The following TERT variants were observed in gnomAD, a reference collection of about 807,000 sequenced individuals.
TERT encodes the protein telomerase reverse transcriptase, also known as telomerase catalytic subunit.
In TERT, 42 loss-of-function variants were observed where a neutral mutation model predicts 104.0. The ratio of observed to expected loss-of-function variants is 0.40; its 90% CI spans 0.32 to 0.52. TERT has a LOEUF of 0.52. Ranked by LOEUF, TERT falls within the 20% of genes least tolerant of loss-of-function variation. The pLI, the probability that TERT is intolerant of heterozygous loss-of-function variation, is 0.43. For synonymous variants in TERT, 781 were observed against 725.6 expected, an observed-to-expected ratio of 1.08 and a Z score of -1.23; for missense variants, 1,101 against 1,610.3, an observed-to-expected ratio of 0.68 and a Z score of 5.41.
rs1244045620 is a variant in TERT at position 1,286,537 on chromosome 5, T to C, written c.1574-3913A>G. Among the ~76,000 whole-genome samples the C allele has an allele frequency of 1.3e-5, 2 of 151,850 alleles. No homozygotes were observed. Among genetic ancestry groups the C allele is most frequent in the Admixed American group, 1.3e-4 (2 of 15,226 alleles). On this transcript the variant is annotated intron_variant, in intron 2 of 15. Coordinates refer to ENST00000310581, the MANE Select transcript of TERT (RefSeq NM_198253.3). The surrounding 1 kb of genome is among the most constrained non-coding windows in gnomAD (Gnocchi z 5.3). Reference sequence around the variant, plus strand: ...GGCCAGAGCTAAAATACACTAAGGGTCTTATTGCTCAGGACAAGGGTAGCA... The same window carrying C: ...GGCCAGAGCTAAAATACACTAAGGGCCTTATTGCTCAGGACAAGGGTAGCA...
rs1040916510 is a variant in TERT, at chr5:1,254,566, C to T, written c.3158-61G>A. On this transcript the variant is annotated intron_variant, in intron 14 of 15. Transcript: ENST00000310581. Reference sequence around the variant, plus strand: ...AGCCCAGCTCCCCTCCCAGGAGACACCGGAAAGCTGCCCACACCCGACGGT... The same window carrying T: ...AGCCCAGCTCCCCTCCCAGGAGACATCGGAAAGCTGCCCACACCCGACGGT... The T allele has an allele frequency of 7.1e-6, 11 of 1,554,024 alleles. No homozygotes were observed. The East Asian group carries it at 9.6e-5, about 14-fold the overall frequency.
rs1176622215 is a variant in TERT, at chr5:1,292,504, C to T, written c.1573+809G>A. ...TCCCTCCCTCTACCCTGTCCTGGCA[C>T]AATCAACGAACACTTTTTTTTTTTA... On this transcript the variant is annotated intron_variant, in intron 2 of 15. Transcript: ENST00000310581. This position sits in a 1 kb window ranked among gnomAD's most constrained non-coding sequence, Gnocchi z 5.5. Among the ~76,000 whole-genome samples, 1 of 144,182 alleles carries T rather than the reference C, an allele frequency of 6.9e-6. No homozygotes were observed. The highest frequency in any genetic ancestry group is 1.5e-5 in the Non-Finnish European group (1 of 65,924). 94.6% of individuals were successfully genotyped at this position (144,182 alleles called of 152,430 possible).
chr5:1,291,086 G>A (rs936761137), intron 2 of TERT, among the ~76,000 whole-genome samples: 52 of 118,342 alleles, frequency 4.4e-4, no homozygotes, highest in African/African-American at 7.5e-4. Context: ...CACGTGACAG[G>A]GACACCTGGG....
chr5:1,275,574 G>A (rs546701915), intron 6 of TERT, among the ~76,000 whole-genome samples: 2 of 152,058 alleles, frequency 1.3e-5, no homozygotes, highest in East Asian at 3.9e-4. Context: ...GAGCCCAGGG[G>A]AGGCCTCCAC....
intron 11 of TERT, 100 bp downstream of exon 11, chr5:1,264,304 A>T (rs937003278): frequency 3.2e-5 from 42 of 1,313,272 alleles, no homozygotes; most frequent in Non-Finnish European, 2.9e-5. Flanking sequence ...TGGGATTGGC[A>T]GTCGCCTGCC....
At chr5:1,278,238 C>T (rs932868641) in intron 6 of TERT, among the ~76,000 whole-genome samples, 5 of 152,176 alleles carry the variant, frequency 3.3e-5, no homozygotes, top group Admixed American at 2.0e-4. Flanking sequence ...GACAATGGTG[C>T]GGACCATGCC....
At position 1,284,494 on chromosome 5, in the gene TERT, G is replaced by GC. The variant is rs111307446; in HGVS notation, c.1574-1871_1574-1870insG. 2.5e-4 allele frequency among the ~76,000 whole-genome samples: 11 copies of GC among 43,922 alleles called. No homozygotes were observed. The East Asian group carries it at 4.4e-3, about 18-fold the overall frequency. The allele number at this position is 43,922 out of a possible 152,430, so 28.8% of individuals were successfully genotyped here. ...CCGGACTCCATACATCCAGCTCACC[G>GC]AGGGCCTGGCGACCTCACTCCAGAC... On this transcript the variant is annotated intron_variant, in intron 2 of 15. Coordinates refer to ENST00000310581, the MANE Select transcript of TERT (RefSeq NM_198253.3).
At chr5:1,280,033 C>T (rs964292007) in intron 4 of TERT, 125 bp downstream of exon 4, 27 of 1,289,588 alleles carry the variant, frequency 2.1e-5, no homozygotes, top group South Asian at 1.9e-4. Context: ...AATGGGTTGG[C>T]GCCGTGCCAT....
Position 1,293,467 on chromosome 5 carries a change from C to A in TERT, c.1419G>T (p.Val473=). Residue 473 remains valine (V), a synonymous_variant, in exon 2 of 16, where the codon GTG becomes GTT. Transcript: ENST00000310581. ...GCCTGGAGCCCCAGAGGCCTGGGGG[C>A]ACCAGCCGGCGCAGGCAGGCCCGCA... ...GFVRACLRRL[V]PPGLWGSRHN... 6.2e-7 allele frequency: 1 copy of A among 1,607,114 alleles called. No individual in the cohort carries two copies. The highest frequency in any genetic ancestry group is 8.5e-7 in the Non-Finnish European group (1 of 1,177,576).
At chr5:1,276,274 A>C (rs1170672565) in intron 6 of TERT, among the ~76,000 whole-genome samples, 69 of 86,048 alleles carry the variant, frequency 8.0e-4, no homozygotes, top group Admixed American at 1.6e-3. Context: ...CTCCACCTAC[A>C]CCACACATGA....
At chr5:1,289,231 G>A (rs1396293737) in intron 2 of TERT, among the ~76,000 whole-genome samples, 4 of 140,708 alleles carry the variant, frequency 2.8e-5, no homozygotes, top group Non-Finnish European at 4.6e-5. Context: ...CACCCTACAC[G>A]TGACAGGGAC....
intron 7 of TERT, 92 bp from the exon 8 acceptor site, chr5:1,271,296 G>T (rs1042313257): frequency 2.0e-5 from 18 of 903,240 alleles, no homozygotes; most frequent in African/African-American, 3.3e-5. Flanking sequence ...CCCTTTTGGG[G>T]TCAGTGTTTG....
At chr5:1,289,422 C>T (rs1228220053) in intron 2 of TERT, among the ~76,000 whole-genome samples, 9 of 90,248 alleles carry the variant, frequency 1.0e-4, no homozygotes, top group Admixed American at 5.4e-4. Context: ...CCGGGGACGG[C>T]GCCTCACTCA....
intron 2 of TERT, among the ~76,000 whole-genome samples, chr5:1,291,992 C>T (rs1408065798): frequency 2.0e-5 from 3 of 152,252 alleles, no homozygotes; most frequent in Non-Finnish European, 4.4e-5. Context: ...TGGGTAGGGA[C>T]TTCCAGTCAC....
intron 12 of TERT, among the ~76,000 whole-genome samples, chr5:1,260,119 G>A (rs1748117337): frequency 1.3e-5 from 2 of 152,168 alleles, no homozygotes; most frequent in African/African-American, 4.8e-5. Context: ...ACCTAGCGGG[G>A]TGAACACGAG....
At chr5:1,260,395 C>G (rs35727757) in intron 12 of TERT, 79 bp downstream of exon 12, 1 of 1,594,398 alleles carries the variant, frequency 6.3e-7, no homozygotes, top group Non-Finnish European at 8.6e-7. Context: ...CTTGCAGGCA[C>G]GCGCGCACAC....
Position 1,282,518 on chromosome 5 carries a change from G to T in TERT, c.1680C>A (p.Phe560Leu), listed in dbSNP as rs1554041306. The change falls in exon 3 of 16, where the codon TTC becomes TTA. Residue 560 changes from phenylalanine (F) to leucine (L), a missense_variant. Around this residue, in one of 5 missense-constraint regions of TERT, gnomAD observed 504 missense variants for 544.6 expected, o/e 0.93. Transcript: ENST00000310581. The part of the protein sequence containing the change: ...SVYVVELLRS[F>L]FYVTETTFQK... ...GAAACGTGGTCTCCGTGACATAAAAGAAAGACCTGAGCAGCTCGACGACGT... is the reference window on the plus strand; with the variant it reads ...GAAACGTGGTCTCCGTGACATAAAATAAAGACCTGAGCAGCTCGACGACGT... The T allele has an allele frequency of 6.2e-7, 1 of 1,614,188 alleles. No homozygotes were observed. The highest frequency in any genetic ancestry group is 8.5e-7 in the Non-Finnish European group (1 of 1,180,044).
chr5:1,293,694 C>T lies in TERT; in HGVS notation c.1192G>A (p.Gly398Arg). The change falls in exon 2 of 16, where the codon GGG (glycine) becomes AGG (arginine). Residue 398 changes from glycine (G) to arginine (R), a missense_variant. By Grantham distance (125) the Gly-to-Arg change is moderately radical. Coordinates refer to ENST00000310581, the MANE Select transcript of TERT (RefSeq NM_198253.3). ...QMRPLFLELL[G>R]NHAQCPYGVL... Reference sequence around the variant, plus strand: ...CCGTAGGGGCACTGCGCGTGGTTCCCAAGCAGCTCCAGAAACAGGGGCCGC... The same window carrying T: ...CCGTAGGGGCACTGCGCGTGGTTCCTAAGCAGCTCCAGAAACAGGGGCCGC... 6.4e-7 allele frequency: 1 copy of T among 1,574,764 alleles called. No homozygotes were observed. Among genetic ancestry groups the T allele is most frequent in the Non-Finnish European group, 8.6e-7 (1 of 1,160,906 alleles).
Position 1,268,806 on chromosome 5 carries a change from T to C in TERT, c.2469-173A>G, listed in dbSNP as rs1301258430. 6.6e-6 allele frequency among the ~76,000 whole-genome samples: 1 copy of C among 152,150 alleles called. No homozygotes were observed. The highest frequency in any genetic ancestry group is 6.5e-5 in the Admixed American group (1 of 15,274). On this transcript the variant is annotated intron_variant, in intron 8 of 15. Transcript: ENST00000310581. The surrounding 1 kb of genome is among the most constrained non-coding windows in gnomAD (Gnocchi z 5.5). Reference sequence around the variant, plus strand: ...ATGAGACCTCTGAACAAACAATCCCTGCTCCCCACTCTCACCATGCACTGG... The same window carrying C: ...ATGAGACCTCTGAACAAACAATCCCCGCTCCCCACTCTCACCATGCACTGG...
Sources: allele counts gnomAD v4.1 joint callset (sites outside exome capture counted in the v4.1 genomes callset), GRCh38; gene constraint gnomAD v4.1.1; regional missense constraint gnomAD v4.1.1; non-coding constraint Gnocchi (gnomAD v3.1); transcripts MANE v1.5; gene names NCBI Gene and HGNC (gene_info 2026-07-23, HGNC 2026-07-21).